Variants in PRKAR1B observed in about 807,000 individuals in gnomAD.
The protein encoded by PRKAR1B is cAMP-dependent protein kinase type I-beta regulatory subunit.
In PRKAR1B, 22 loss-of-function variants were observed where a neutral mutation model predicts 46.5. The observed-to-expected ratio is 0.47, with a 90% CI of 0.34 to 0.68. The LOEUF (loss-of-function observed/expected upper bound fraction) is 0.68, where lower values mean the gene tolerates loss of function less well. Ranked by LOEUF, PRKAR1B falls within the 30% of genes least tolerant of loss-of-function variation. The pLI, the probability that PRKAR1B is intolerant of heterozygous loss-of-function variation, is 0.01. For synonymous variants in PRKAR1B, 259 were observed against 217.7 expected, an observed-to-expected ratio of 1.19 and a Z score of -1.67; for missense variants, 445 against 535.6, an observed-to-expected ratio of 0.83 and a Z score of 1.67.
At chr7:659,673 A>G (rs1173587815) in intron 4 of PRKAR1B, among the ~76,000 whole-genome samples, 2 of 152,132 alleles carry the variant, frequency 1.3e-5, no homozygotes. Flanking sequence ...CTTCCTCCAC[A>G]GCTCTGCACG....
intron 9 of PRKAR1B, among the ~76,000 whole-genome samples, chr7:553,974 C>T (rs749439565): frequency 8.5e-4 from 130 of 152,256 alleles, no homozygotes; most frequent in African/African-American, 2.0e-3. Context: ...AGACAGGGAG[C>T]GTGCCCTCAG....
chr7:583,378 CATGTG>C (rs1780320912), intron 8 of PRKAR1B, among the ~76,000 whole-genome samples: 1 of 125,998 alleles, frequency 7.9e-6, no homozygotes, highest in Non-Finnish European at 1.8e-5. Context: ...CCCACTCACA[CATGTG>C]CACACTCACA....
At chr7:564,834 A>AG (rs1442937307) in intron 9 of PRKAR1B, among the ~76,000 whole-genome samples, 5 of 152,148 alleles carry the variant, frequency 3.3e-5, no homozygotes, top group Admixed American at 3.3e-4. Context: ...CTTTGGAGGG[A>AG]GGAAGTGTTG....
intron 4 of PRKAR1B, among the ~76,000 whole-genome samples, chr7:619,446 C>T (rs1253850641): frequency 2.0e-5 from 3 of 152,248 alleles, no homozygotes; most frequent in Non-Finnish European, 4.4e-5. Context: ...GATCATCACT[C>T]CCCTTATCCT....
intron 4 of PRKAR1B, among the ~76,000 whole-genome samples, chr7:673,045 T>TAAAAAAAAAAAAAAAA (rs992683667): frequency 3.8e-5 from 1 of 26,550 alleles, no homozygotes; most frequent in Non-Finnish European, 6.2e-5. Flanking sequence ...GCCTTGTCTT[T>TAAAAAAAAAAAAAAAA]AAAAAAAAAA....
intron 6 of PRKAR1B, among the ~76,000 whole-genome samples, chr7:599,128 G>C (rs926192715): frequency 3.3e-5 from 5 of 152,174 alleles, no homozygotes; most frequent in Non-Finnish European, 7.4e-5. Flanking sequence ...GGAAGCCATT[G>C]TGCGGGTCCC....
intron 7 of PRKAR1B, among the ~76,000 whole-genome samples, chr7:590,945 G>C (rs567173411): frequency 1.3e-5 from 2 of 152,042 alleles, no homozygotes; most frequent in East Asian, 3.9e-4. Context: ...CCGGATGCCC[G>C]GGGCAGTGGC....
intron 4 of PRKAR1B, among the ~76,000 whole-genome samples, chr7:646,222 A>C (rs1784613601): frequency 6.6e-6 from 1 of 152,086 alleles, no homozygotes; most frequent in African/African-American, 2.4e-5. Flanking sequence ...TTTTGAATCT[A>C]CTGTAGAGAC....
intron 9 of PRKAR1B, among the ~76,000 whole-genome samples, chr7:558,130 A>C (rs967740784): frequency 2.0e-5 from 3 of 151,750 alleles, no homozygotes; most frequent in East Asian, 1.9e-4. Flanking sequence ...CCTGGGCAAC[A>C]TAGTGAGACC....
At chr7:591,432 C>A (rs1478631579) in intron 7 of PRKAR1B, among the ~76,000 whole-genome samples, 1 of 145,110 alleles carries the variant, frequency 6.9e-6, no homozygotes, top group Non-Finnish European at 1.5e-5. Context: ...CTAGAAGTGG[C>A]TTCTTAACAC....
intron 5 of PRKAR1B, 29 bp downstream of exon 5, chr7:607,362 T>G (rs1782151821): frequency 6.2e-7 from 1 of 1,601,886 alleles, no homozygotes; most frequent in African/African-American, 1.3e-5. Context: ...CCCTCTGGAC[T>G]TTGGCTCCGA....
At chr7:642,525 A>G (rs1027038362) in intron 4 of PRKAR1B, among the ~76,000 whole-genome samples, 1 of 152,066 alleles carries the variant, frequency 6.6e-6, no homozygotes, top group Non-Finnish European at 1.5e-5. Flanking sequence ...GGAGATCGAG[A>G]CCATCCCGGC....
chr7:573,196 A>G (rs942196315), intron 9 of PRKAR1B, among the ~76,000 whole-genome samples: 6 of 152,330 alleles, frequency 3.9e-5, no homozygotes, highest in Admixed American at 6.5e-5. Flanking sequence ...AAAGTGAAAA[A>G]GATCCAGGTT....
In PRKAR1B at chr7:568,332, C is replaced by T. The variant is rs111886145; in HGVS notation, c.891+10924G>A. Among the ~76,000 whole-genome samples, 371 of 152,308 alleles carry T rather than the reference C, an allele frequency of 2.4e-3. 1 individual carries two copies. The highest frequency in any genetic ancestry group is 8.7e-3 in the African/African-American group (363 of 41,570). On this transcript the variant is annotated intron_variant, in intron 9 of 10. Transcript: ENST00000537384. The stretch of plus-strand genomic sequence containing the variant: ...CAGGAGCCTTTTCACCAAGTTCCTC[C>T]GGCAGCTGACTCTGGGGAGGGACAG...
intron 4 of PRKAR1B, among the ~76,000 whole-genome samples, chr7:669,224 C>T (rs750342580): frequency 6.6e-5 from 10 of 152,072 alleles, no homozygotes; most frequent in South Asian, 4.1e-4. Context: ...GAGCCCATCA[C>T]GAAAGGTCAT....
chr7:605,765 G>A (rs762888656), intron 6 of PRKAR1B, among the ~76,000 whole-genome samples: 2 of 152,170 alleles, frequency 1.3e-5, no homozygotes, highest in Non-Finnish European at 2.9e-5. Flanking sequence ...TTGTTTGATC[G>A]TGAAGTCGTC....
rs1473249213 is a variant in PRKAR1B at position 644,419 on chromosome 7, T to C, written c.440+32810A>G. ...TGCTCCTCCTTGGGTGTGCAGAGGC[T>C]GAGGGGGGTCTCCACGGGAAGCCCT... On this transcript the variant is annotated intron_variant, in intron 4 of 10. Transcript: ENST00000537384. The surrounding 1 kb of genome is among the most constrained non-coding windows in gnomAD (Gnocchi z 4.9). Among the ~76,000 whole-genome samples, 1 of 152,118 alleles carries C rather than the reference T, an allele frequency of 6.6e-6. No homozygotes were observed. Among genetic ancestry groups the C allele is most frequent in the African/African-American group, 2.4e-5 (1 of 41,432 alleles).
chr7:685,475 A>C (rs1003459080), intron 2 of PRKAR1B, among the ~76,000 whole-genome samples: 14 of 147,912 alleles, frequency 9.5e-5, no homozygotes, highest in African/African-American at 3.3e-4. Flanking sequence ...AAAATAAAAT[A>C]GAAACTTGTC....
At chr7:707,794 C>T (rs1021663565) in intron 2 of PRKAR1B, among the ~76,000 whole-genome samples, 1 of 152,214 alleles carries the variant, frequency 6.6e-6, no homozygotes, top group African/African-American at 2.4e-5. Context: ...CCAGCACCAC[C>T]CGGAGCTGGG....
Sources: allele counts gnomAD v4.1 joint callset (sites outside exome capture counted in the v4.1 genomes callset), GRCh38; gene constraint gnomAD v4.1.1; non-coding constraint Gnocchi (gnomAD v3.1); transcripts MANE v1.5; gene names NCBI Gene and HGNC (gene_info 2026-07-23, HGNC 2026-07-21).